Variants in ARMH3 observed in about 807,000 individuals in gnomAD.
ARMH3 encodes armadillo-like helical domain-containing protein 3.
ARMH3 carries 60 observed loss-of-function variants against 99.1 expected under a neutral mutation model. The observed-to-expected ratio is 0.61, with a 90% CI of 0.49 to 0.75. ARMH3 has a LOEUF of 0.75. Ranked by LOEUF, ARMH3 falls within the 30% of genes least tolerant of loss-of-function variation. The pLI is 0.00. For synonymous variants in ARMH3, 285 were observed against 292.8 expected, an observed-to-expected ratio of 0.97 and a Z score of 0.27; for missense variants, 679 against 843.1, an observed-to-expected ratio of 0.81 and a Z score of 2.41.
intron 23 of ARMH3, among the ~76,000 whole-genome samples, chr10:101,903,705 T>C (rs1027651310): frequency 3.3e-5 from 5 of 152,240 alleles, no homozygotes; most frequent in African/African-American, 2.4e-5. Context: ...GTTCATGCCT[T>C]CAACAAATAG....
intron 23 of ARMH3, among the ~76,000 whole-genome samples, chr10:101,908,838 T>C (rs1842752548): frequency 6.6e-6 from 1 of 151,752 alleles, no homozygotes; most frequent in Non-Finnish European, 1.5e-5. Context: ...TAATTCTGTG[T>C]TTTTAGTAGA....
At chr10:101,944,662 A>G (rs1199630942) in intron 22 of ARMH3, among the ~76,000 whole-genome samples, 1 of 152,030 alleles carries the variant, frequency 6.6e-6, no homozygotes, top group Non-Finnish European at 1.5e-5. Context: ...AAAAATACAA[A>G]AATTAGCCAA....
At chr10:102,045,159 A>G (rs1455545794) in intron 1 of ARMH3, among the ~76,000 whole-genome samples, 2 of 151,760 alleles carry the variant, frequency 1.3e-5, no homozygotes, top group South Asian at 2.1e-4. Context: ...AGAGCGAAAC[A>G]AAAGTAAATA....
intron 23 of ARMH3, among the ~76,000 whole-genome samples, chr10:101,926,098 C>A (rs1266173951): frequency 2.0e-5 from 3 of 152,222 alleles, no homozygotes; most frequent in Non-Finnish European, 4.4e-5. Flanking sequence ...GATCCAGGAA[C>A]TACTAACCTG....
chr10:101,866,543 C>T (rs997044153), intron 24 of ARMH3, among the ~76,000 whole-genome samples: 13 of 151,524 alleles, frequency 8.6e-5, no homozygotes, highest in Admixed American at 6.6e-5. Flanking sequence ...CCTGCAGCTA[C>T]GCCAGCAGGC....
At chr10:101,938,662 A>G (rs1393429894) in intron 23 of ARMH3, among the ~76,000 whole-genome samples, 2 of 152,238 alleles carry the variant, frequency 1.3e-5, no homozygotes, top group African/African-American at 2.4e-5. Context: ...CTTGGGTCAT[A>G]AACAGATATT....
intron 23 of ARMH3, among the ~76,000 whole-genome samples, chr10:101,936,082 G>C (rs1057356013): frequency 6.6e-6 from 1 of 152,140 alleles, no homozygotes; most frequent in Non-Finnish European, 1.5e-5. Flanking sequence ...TCTGCTAAGA[G>C]AATACTGACT....
intron 22 of ARMH3, among the ~76,000 whole-genome samples, chr10:101,949,805 T>C (rs575497945): frequency 1.4e-3 from 216 of 152,246 alleles, no homozygotes; most frequent in African/African-American, 5.0e-3. Context: ...TCATGAATAC[T>C]AGCAAATCGA....
chr10:101,956,088 T>C (rs1336786101), intron 22 of ARMH3, among the ~76,000 whole-genome samples: 3 of 152,190 alleles, frequency 2.0e-5, no homozygotes, highest in East Asian at 1.9e-4. Flanking sequence ...AAATAAGTTA[T>C]ACTTGCTGTA....
chr10:102,008,230 T>A (rs1209217162), intron 13 of ARMH3, among the ~76,000 whole-genome samples: 1 of 152,260 alleles, frequency 6.6e-6, no homozygotes, highest in African/African-American at 2.4e-5. Flanking sequence ...ACCAGCATGA[T>A]GCTTTTTAAG....
chr10:101,943,186 G>A (rs1373751273), intron 22 of ARMH3, among the ~76,000 whole-genome samples: 1 of 152,198 alleles, frequency 6.6e-6, no homozygotes, highest in Non-Finnish European at 1.5e-5. Flanking sequence ...CAGAAAGCTG[G>A]CAAGGAGGGA....
At chr10:102,041,034 T>A (rs1252067352) in intron 1 of ARMH3, among the ~76,000 whole-genome samples, 1 of 149,098 alleles carries the variant, frequency 6.7e-6, no homozygotes, top group Non-Finnish European at 1.5e-5. Context: ...TTAAAATAAC[T>A]GAATAGAGTA....
Position 101,847,621 on chromosome 10 carries a change from C to T in ARMH3, c.1978-1G>A, listed in dbSNP as rs1259163938. ...GGACGTTGGTGCTAATGGATCGAACCTGGGAAAGGGTAGTTGGGGAAGGTG... is the reference window on the plus strand; with the variant it reads ...GGACGTTGGTGCTAATGGATCGAACTTGGGAAAGGGTAGTTGGGGAAGGTG... On this transcript the variant is annotated splice_acceptor_variant, in intron 25 of 25. Transcript: ENST00000370033. LOFTEE classifies it high-confidence loss of function. The T allele has an allele frequency of 6.2e-7, 1 of 1,613,922 alleles. No individual in the cohort carries two copies. Among genetic ancestry groups the T allele is most frequent in the Non-Finnish European group, 8.5e-7 (1 of 1,179,946 alleles).
At chr10:101,926,566 A>G (rs1038948046) in intron 23 of ARMH3, among the ~76,000 whole-genome samples, 9 of 152,170 alleles carry the variant, frequency 5.9e-5, no homozygotes, top group African/African-American at 2.2e-4. Flanking sequence ...AAGATGAAAA[A>G]CTGCACATGG....
chr10:101,927,652 G>A (rs77671023), intron 23 of ARMH3, among the ~76,000 whole-genome samples: 344 of 152,326 alleles, frequency 2.3e-3, no homozygotes, highest in African/African-American at 7.9e-3. Flanking sequence ...GAAAGAGGAT[G>A]AACACTAAGT....
chr10:101,999,933 AT>A (rs1274162358), intron 15 of ARMH3, among the ~76,000 whole-genome samples: 6 of 152,058 alleles, frequency 3.9e-5, no homozygotes, highest in Non-Finnish European at 8.8e-5. Flanking sequence ...AAATACAAAA[AT>A]TAGCCAGGTG....
chr10:102,036,943 T>C (rs2067292131), intron 2 of ARMH3, among the ~76,000 whole-genome samples: 1 of 150,374 alleles, frequency 6.7e-6, no homozygotes, highest in South Asian at 2.1e-4. Context: ...TCCCAGCTAC[T>C]TGGGAGGCTG....
intron 1 of ARMH3, among the ~76,000 whole-genome samples, chr10:102,041,075 C>CATATATATATATATAATATATAT (rs199540605): frequency 1.1e-4 from 15 of 132,000 alleles, no homozygotes; most frequent in Non-Finnish European, 1.6e-4. Context: ...ATTGTGTGTA[C>CATATATATATATATAATATATAT]ATATATATAT....
At chr10:102,000,208 A>G (rs2066321873) in intron 15 of ARMH3, among the ~76,000 whole-genome samples, 1 of 152,222 alleles carries the variant, frequency 6.6e-6, no homozygotes, top group South Asian at 2.1e-4. Context: ...ATCACTTCAC[A>G]ATTATTTTCA....
Sources: gnomAD v4.1 joint callset for allele counts (sites outside exome capture counted in the v4.1 genomes callset) on GRCh38, gnomAD v4.1.1 for gene constraint, MANE v1.5 for transcripts, NCBI Gene and HGNC (gene_info 2026-07-23, HGNC 2026-07-21) for gene names.